Variants in HDAC9 observed in about 807,000 individuals in gnomAD.
HDAC9 encodes histone deacetylase 9.
A neutral mutation model predicts 139.4 loss-of-function variants in HDAC9; 41 were observed. The ratio of observed to expected loss-of-function variants is 0.29; its 90% CI spans 0.23 to 0.38. The LOEUF is 0.38. Among genes scored for constraint, HDAC9 ranks in the 10% least tolerant of loss-of-function variants. The pLI, the probability that HDAC9 is intolerant of heterozygous loss-of-function variation, is 1.00. For missense variants in HDAC9, 1,147 were observed against 1,297.0 expected (o/e 0.88, Z 1.78); for synonymous variants, 517 against 476.2 (o/e 1.09, Z -1.12).
rs191209406 is a variant in HDAC9 at position 18,398,605 on chromosome 7, T to C, written c.-41-97657T>C. On this transcript the variant is annotated intron_variant, in intron 1 of 3. Transcript: ENST00000413509. ...AGATACAGGATTGTGCGTATGAGCC[T>C]TTGCTCAACCCAGTGCTTGAGCTGT... 2.0e-5 allele frequency among the ~76,000 whole-genome samples: 3 copies of C among 152,304 alleles called. No homozygotes were observed. The East Asian group carries it at 5.8e-4, about 29-fold the overall frequency.
At chr7:18,953,087 C>T (rs1252911422) in intron 23 of HDAC9, among the ~76,000 whole-genome samples, 2 of 151,910 alleles carry the variant, frequency 1.3e-5, no homozygotes, top group Non-Finnish European at 2.9e-5. Flanking sequence ...AACTGGTAAT[C>T]CCTGTGTTTT....
chr7:18,214,161 T>C (rs1792133849), intron 2 of HDAC9, among the ~76,000 whole-genome samples: 1 of 152,158 alleles, frequency 6.6e-6, no homozygotes, highest in Non-Finnish European at 1.5e-5. Context: ...GATGTCACTA[T>C]TAATATAACA....
intron 1 of HDAC9, among the ~76,000 whole-genome samples, chr7:18,154,907 G>A (rs983515049): frequency 6.6e-6 from 1 of 152,172 alleles, no homozygotes; most frequent in African/African-American, 2.4e-5. Flanking sequence ...TGCTTGGTCG[G>A]CAGTTTTCTG....
At chr7:18,225,354 C>T (rs1386286050) in intron 2 of HDAC9, among the ~76,000 whole-genome samples, 2 of 152,170 alleles carry the variant, frequency 1.3e-5, no homozygotes, top group Non-Finnish European at 2.9e-5. Context: ...TTTAAAAATA[C>T]ATCCCAAAAG....
At chr7:18,183,137 G>A (rs1174103547) in intron 2 of HDAC9, among the ~76,000 whole-genome samples, 1 of 151,892 alleles carries the variant, frequency 6.6e-6, no homozygotes, top group Non-Finnish European at 1.5e-5. Flanking sequence ...AGCTTCCCGA[G>A]TAGCTGGGAC....
intron 16 of HDAC9, among the ~76,000 whole-genome samples, chr7:18,777,618 C>T (rs920873857): frequency 2.0e-5 from 3 of 151,884 alleles, no homozygotes; most frequent in African/African-American, 7.2e-5. Flanking sequence ...GTTTCTGATC[C>T]TCAGCATCCT....
chr7:18,880,671 G>A (rs1229285174), intron 22 of HDAC9, among the ~76,000 whole-genome samples: 2 of 151,944 alleles, frequency 1.3e-5, no homozygotes, highest in African/African-American at 4.8e-5. Context: ...GTGGAAGGAG[G>A]AAGAAGAACT....
upstream of HDAC9, among the ~76,000 whole-genome samples, chr7:18,491,366 G>C (rs1796351601): frequency 6.6e-6 from 1 of 151,912 alleles, no homozygotes; most frequent in African/African-American, 2.4e-5. Context: ...CAGTATAACA[G>C]TTATGATGCA....
intron 22 of HDAC9, among the ~76,000 whole-genome samples, chr7:18,877,876 A>G (rs17140193): frequency 0.033 from 5,016 of 152,170 alleles, 172 homozygotes; most frequent in African/African-American, 0.089. Context: ...GAAACTACAA[A>G]ACTTTTGGCA....
chr7:18,321,274 C>T (rs1800011587), intron 1 of HDAC9, among the ~76,000 whole-genome samples: 1 of 152,168 alleles, frequency 6.6e-6, no homozygotes, highest in Non-Finnish European at 1.5e-5. Context: ...AACTCCAGAC[C>T]TTCAGAACCT....
At chr7:18,815,321 A>G (rs747370294) in intron 17 of HDAC9, among the ~76,000 whole-genome samples, 1 of 152,120 alleles carries the variant, frequency 6.6e-6, no homozygotes, top group Non-Finnish European at 1.5e-5. Context: ...AATTTGGCCA[A>G]TTGAATTGTT....
At chr7:18,234,285 T>C (rs1793670459) in intron 2 of HDAC9, among the ~76,000 whole-genome samples, 1 of 152,194 alleles carries the variant, frequency 6.6e-6, no homozygotes, top group African/African-American at 2.4e-5. Flanking sequence ...CATAATTGTA[T>C]TTAAAATTGT....
At chr7:18,264,106 C>T (rs908867127) in intron 2 of HDAC9, among the ~76,000 whole-genome samples, 2 of 152,118 alleles carry the variant, frequency 1.3e-5, no homozygotes, top group African/African-American at 4.8e-5. Context: ...TAGTTGGGGA[C>T]TTCACTACTC....
At chr7:18,333,633 C>G (rs1422428100) in intron 1 of HDAC9, among the ~76,000 whole-genome samples, 1 of 151,438 alleles carries the variant, frequency 6.6e-6, no homozygotes, top group East Asian at 1.9e-4. Context: ...GCAGCCAAAG[C>G]TGTTCTCATG....
At chr7:18,151,124 G>C (rs1786749699) in intron 1 of HDAC9, among the ~76,000 whole-genome samples, 1 of 151,900 alleles carries the variant, frequency 6.6e-6, no homozygotes, top group South Asian at 2.1e-4. Flanking sequence ...TCCCCTATAT[G>C]ACATTAATAG....
chr7:18,414,871 T>C (rs953702460), intron 1 of HDAC9, among the ~76,000 whole-genome samples: 1 of 152,204 alleles, frequency 6.6e-6, no homozygotes, highest in African/African-American at 2.4e-5. Flanking sequence ...CAACTTTTTT[T>C]CCTCCTCTTC....
At chr7:18,290,550 G>A (rs1399040638) in intron 1 of HDAC9, 1 of 456,464 alleles carries the variant, frequency 2.2e-6, no homozygotes, top group Non-Finnish European at 4.4e-6. Context: ...TAAGAGAACT[G>A]TGAAAAAGAT....
At chr7:18,578,307 C>A in intron 2 of HDAC9, 1 of 496,528 alleles carries the variant, frequency 2.0e-6, no homozygotes, top group Non-Finnish European at 4.0e-6. Context: ...CGTAACGACC[C>A]CTTCACACAT....
At chr7:18,557,345 T>TG (rs1408218244) in intron 2 of HDAC9, among the ~76,000 whole-genome samples, 8 of 151,528 alleles carry the variant, frequency 5.3e-5, no homozygotes, top group East Asian at 1.9e-4. Context: ...ATGAGTTTTT[T>TG]TTTTTTTTTT....
Sources: allele counts gnomAD v4.1 joint callset (sites outside exome capture counted in the v4.1 genomes callset), GRCh38; gene constraint gnomAD v4.1.1; transcripts MANE v1.5; gene names NCBI Gene and HGNC (gene_info 2026-07-23, HGNC 2026-07-21).